The following C2CD5 variants were observed in gnomAD, a reference collection of about 807,000 sequenced individuals.
C2CD5 encodes C2 calcium dependent domain containing 5.
Under a neutral mutation model 130.3 loss-of-function variants are expected in C2CD5, and 109 were observed. That is an observed-to-expected ratio of 0.84 (90% CI 0.72 to 0.98). C2CD5 has a LOEUF of 0.98. Among genes scored for constraint, C2CD5 ranks in the 50% least tolerant of loss-of-function variants. C2CD5 has a pLI of 0.00. For synonymous variants in C2CD5, 454 were observed against 429.2 expected (o/e 1.06, Z -0.71); for missense variants, 996 against 1,261.8 (o/e 0.79, Z 3.19).
chr12:22,527,198 A>G (rs1227769966), intron 4 of C2CD5, among the ~76,000 whole-genome samples: 2 of 152,042 alleles, frequency 1.3e-5, no homozygotes, highest in East Asian at 3.8e-4. Flanking sequence ...TTTACTTACT[A>G]TACTATACAA....
In C2CD5 at chr12:22,544,043, G is replaced by A. The variant is rs1482154104; in HGVS notation, c.90+18C>T. The stretch of plus-strand genomic sequence containing the variant: ...CTTGGCGCTCCCTGTGTTTTGAGGG[G>A]CAGGACCCTGCACCAACCTCCACGA... On this transcript the variant is annotated intron_variant, in intron 2 of 26. Coordinates refer to ENST00000446597, the MANE Select transcript of C2CD5 (RefSeq NM_001286176.2). 3.2e-6 allele frequency: 5 copies of A among 1,586,416 alleles called. No homozygotes were observed. Among genetic ancestry groups the A allele is most frequent in the Admixed American group, 1.7e-5 (1 of 59,714 alleles).
intron 22 of C2CD5, among the ~76,000 whole-genome samples, chr12:22,459,967 C>G (rs1463649488): frequency 6.6e-6 from 1 of 152,192 alleles, no homozygotes; most frequent in Non-Finnish European, 1.5e-5. Context: ...AAATTACAGA[C>G]AAGATAATGA....
chr12:22,484,973 ACAG>A, intron 12 of C2CD5, 85 bp from the exon 13 acceptor site: 3 of 581,688 alleles, frequency 5.2e-6, no homozygotes, highest in Non-Finnish European at 8.4e-6. Context: ...TATTACATAC[ACAG>A]TACTTGTATA....
rs1160379593 is a variant in C2CD5 at position 22,448,984 on chromosome 12, A to G, written c.*776T>C. The G allele has an allele frequency of 6.6e-6, 1 of 152,380 alleles. No individual in the cohort carries two copies. Among genetic ancestry groups the G allele is most frequent in the Non-Finnish European group, 1.5e-5 (1 of 68,010 alleles). The allele number at this position is 152,380 out of a possible 1,614,324, so 9.4% of individuals were successfully genotyped here. Reference sequence around the variant, plus strand: ...TTTATGTTCCTACTAAGTCAACTGCATTTTTACTACTTTAACAAAATTCAC... The same window carrying G: ...TTTATGTTCCTACTAAGTCAACTGCGTTTTTACTACTTTAACAAAATTCAC... On this transcript the variant is annotated 3_prime_UTR_variant, in exon 27 of 27. Transcript: ENST00000446597.
intron 14 of C2CD5, 32 bp downstream of exon 14, chr12:22,482,525 C>T: frequency 6.4e-7 from 1 of 1,573,728 alleles, no homozygotes; most frequent in Non-Finnish European, 8.7e-7. Context: ...TTAAGGAAAT[C>T]ATAAAACAAA....
chr12:22,472,794 T>C lies in C2CD5; in HGVS notation c.2057A>G (p.Asp686Gly). The change falls in exon 17 of 27, where the codon GAT becomes GGT. Residue 686 changes from aspartate (D) to glycine (G), a missense_variant. Asp to Gly is a moderately conservative substitution (Grantham distance 94). Around this residue, in one of 9 missense-constraint regions of C2CD5, gnomAD observed 590 missense variants for 631.4 expected, o/e 0.93. Coordinates refer to ENST00000446597, the MANE Select transcript of C2CD5 (RefSeq NM_001286176.2). ...TAGAGAATGGACATCTTCCATGGCA[T>C]CTGTGTCATCAATCTTAAAATAGAG... ...DAFVLEIDDTDAMEDVHSLLT... is the reference protein window; with the variant it reads ...DAFVLEIDDTGAMEDVHSLLT... 1 of 1,562,348 alleles carries C rather than the reference T, an allele frequency of 6.4e-7. No individual in the cohort carries two copies. The highest frequency in any genetic ancestry group is 8.8e-7 in the Non-Finnish European group (1 of 1,133,244).
intron 2 of C2CD5, among the ~76,000 whole-genome samples, chr12:22,543,290 A>G (rs941385202): frequency 6.6e-6 from 1 of 152,218 alleles, no homozygotes; most frequent in Admixed American, 6.5e-5. Flanking sequence ...GTAGGCCTTT[A>G]CTAATTTGCA....
chr12:22,457,004 CATGTTA>C lies in C2CD5; in HGVS notation c.2838_2843del (p.Ile946_Asn947del). 6.3e-7 allele frequency: 1 copy of C among 1,599,548 alleles called. No individual in the cohort carries two copies. Among genetic ancestry groups the C allele is most frequent in the Middle Eastern group, 1.7e-4 (1 of 6,028 alleles). ...GAGAAGTAGTCTCTCGAATAAAAAA[CATGTTA>C]ATTATCCCAAGATACTTAGTTATTT... On this transcript the variant is annotated inframe_deletion, in exon 25 of 27. Transcript: ENST00000446597.
intron 13 of C2CD5, among the ~76,000 whole-genome samples, chr12:22,483,470 GA>G (rs1229736345): frequency 1.3e-5 from 2 of 152,100 alleles, no homozygotes; most frequent in African/African-American, 4.8e-5. Flanking sequence ...AGACAGTGGT[GA>G]AAGAGTACTT....
Position 22,449,703 on chromosome 12 carries a change from C to A in C2CD5, c.*57G>T. ...TTAAGTCTAAGAAGATAATTAATGA[C>A]AAAATAACAGAGATTGATGAATTTC... On this transcript the variant is annotated 3_prime_UTR_variant, in exon 27 of 27. Coordinates refer to ENST00000446597, the MANE Select transcript of C2CD5 (RefSeq NM_001286176.2). 1 of 1,462,914 alleles carries A rather than the reference C, an allele frequency of 6.8e-7. No individual in the cohort carries two copies. The highest frequency in any genetic ancestry group is 9.4e-7 in the Non-Finnish European group (1 of 1,060,958). 90.6% of individuals were successfully genotyped at this position (1,462,914 alleles called of 1,614,324 possible).
At chr12:22,470,501 T>G (rs990212024) in intron 21 of C2CD5, among the ~76,000 whole-genome samples, 1 of 152,140 alleles carries the variant, frequency 6.6e-6, no homozygotes, top group South Asian at 2.1e-4. Context: ...CAGTAGGTCC[T>G]CAGATGCCTT....
At chr12:22,497,078 T>G (rs529930306) in intron 10 of C2CD5, among the ~76,000 whole-genome samples, 1 of 152,240 alleles carries the variant, frequency 6.6e-6, no homozygotes, top group East Asian at 1.9e-4. Flanking sequence ...TCTTTGAGAT[T>G]TTAGGCTATC....
At chr12:22,515,120 A>G in intron 8 of C2CD5, 1 of 985,312 alleles carries the variant, frequency 1.0e-6, no homozygotes, top group Non-Finnish European at 1.2e-6. Context: ...GCTGGGACAC[A>G]GGTAAATCCT....
chr12:22,525,752 G>C (rs79495422), intron 4 of C2CD5, 47 bp from the exon 5 acceptor site: 1 of 874,912 alleles, frequency 1.1e-6, no homozygotes, highest in Non-Finnish European at 1.9e-6. Context: ...AGAAAGTAAT[G>C]TACAATTAAA....
chr12:22,455,563 T>G (rs921919277), intron 25 of C2CD5, among the ~76,000 whole-genome samples: 3 of 152,188 alleles, frequency 2.0e-5, no homozygotes, highest in Admixed American at 6.6e-5. Flanking sequence ...CACCAAATCT[T>G]TGTCAAATTT....
At chr12:22,543,799 G>A (rs1248674366) in intron 2 of C2CD5, among the ~76,000 whole-genome samples, 1 of 152,168 alleles carries the variant, frequency 6.6e-6, no homozygotes, top group Admixed American at 6.5e-5. Flanking sequence ...CTGTTAATGA[G>A]TCCTGACATC....
intron 10 of C2CD5, among the ~76,000 whole-genome samples, chr12:22,504,125 C>G (rs1948160076): frequency 6.6e-6 from 1 of 151,276 alleles, no homozygotes; most frequent in African/African-American, 2.4e-5. Flanking sequence ...GCACAATTAG[C>G]ATGAACTGGC....
intron 18 of C2CD5, 92 bp from the exon 19 acceptor site, chr12:22,472,157 T>C: frequency 2.3e-6 from 2 of 870,116 alleles, no homozygotes; most frequent in Admixed American, 2.3e-5. Context: ...CAATACTAAC[T>C]AATGTAGTAG....
chr12:22,524,257 AC>A (rs1411235030), intron 6 of C2CD5, among the ~76,000 whole-genome samples: 3 of 152,198 alleles, frequency 2.0e-5, no homozygotes, highest in African/African-American at 7.2e-5. Flanking sequence ...TACCTCATCA[AC>A]ACAATTTCCT....
Sources: allele counts gnomAD v4.1 joint callset (sites outside exome capture counted in the v4.1 genomes callset), GRCh38; gene constraint gnomAD v4.1.1; regional missense constraint gnomAD v4.1.1; transcripts MANE v1.5; gene names NCBI Gene and HGNC (gene_info 2026-07-23, HGNC 2026-07-21).